The following DCX variants were observed in gnomAD, a reference collection of about 807,000 sequenced individuals.
The protein encoded by DCX is doublecortin, also known as neuronal migration protein doublecortin.
A neutral mutation model predicts 20.9 loss-of-function variants in DCX; 4 were observed. That is an observed-to-expected ratio of 0.19 (90% CI 0.09 to 0.44). The LOEUF is 0.44. Ranked by LOEUF, DCX falls within the 20% of genes least tolerant of loss-of-function variation. DCX has a pLI of 0.99. For missense variants in DCX, 133 were observed against 296.9 expected (o/e 0.45, Z 4.06); for synonymous variants, 103 against 111.4 (o/e 0.92, Z 0.47).
intron 6 of DCX, among the ~76,000 whole-genome samples, chrX:111,309,559 G>A (rs916598545): frequency 6.0e-4 from 67 of 112,001 alleles, no homozygotes; most frequent in African/African-American, 2.1e-3. Context: ...GGTGGTGTAA[G>A]CATGACACTA....
At chrX:111,340,320 C>A (rs1922110798) in intron 3 of DCX, among the ~76,000 whole-genome samples, 1 of 112,032 alleles carries the variant, frequency 8.9e-6, no homozygotes, top group Non-Finnish European at 1.9e-5. Flanking sequence ...GTGGGGATTC[C>A]CTGCAGGAAC....
At chrX:111,344,648 A>G (rs1382520417) in intron 3 of DCX, among the ~76,000 whole-genome samples, 7 of 111,156 alleles carry the variant, frequency 6.3e-5, no homozygotes, top group Non-Finnish European at 1.9e-5. Flanking sequence ...AATCACTACA[A>G]AAAAAGAATA....
intron 6 of DCX, among the ~76,000 whole-genome samples, chrX:111,310,568 GC>G (rs747188503): frequency 1.2e-3 from 136 of 111,399 alleles, no homozygotes; most frequent in African/African-American, 4.3e-3. Flanking sequence ...AAAATAAAGA[GC>G]TTTAAAAATA....
chrX:111,405,731 A>T (rs1928160133), intron 2 of DCX, among the ~76,000 whole-genome samples: 1 of 111,853 alleles, frequency 8.9e-6, no homozygotes, highest in Non-Finnish European at 1.9e-5. Context: ...AAGACATGAC[A>T]AAAGGAAAAC....
rs145014488 is a variant in DCX at position 111,339,544 on chromosome X, A to G, written c.706-6391T>C. On this transcript the variant is annotated intron_variant, in intron 3 of 6. Transcript: ENST00000636035. Reference sequence around the variant, plus strand: ...GACCTTGAACTTCACAGCCTCCAGGACTGTAAGAAATAAATTATGTTTCTT... The same window carrying G: ...GACCTTGAACTTCACAGCCTCCAGGGCTGTAAGAAATAAATTATGTTTCTT... Among the ~76,000 whole-genome samples the G allele has an allele frequency of 3.5e-3, 395 of 111,968 alleles. 1 individual carries two copies. Among genetic ancestry groups the G allele is most frequent in the Middle Eastern group, 0.018 (4 of 218 alleles).
chrX:111,344,294 C>T (rs923525674), intron 3 of DCX, among the ~76,000 whole-genome samples: 25 of 111,871 alleles, frequency 2.2e-4, no homozygotes, highest in Non-Finnish European at 4.5e-4. Flanking sequence ...ATTAAATGGG[C>T]AAAAGCTAGA....
chrX:111,312,901 G>A (rs1468460821), intron 5 of DCX, among the ~76,000 whole-genome samples, 165 bp from the exon 6 acceptor site: 1 of 111,747 alleles, frequency 8.9e-6, no homozygotes. Context: ...TCCTCAAAAG[G>A]GCAAGAACTG....
intron 3 of DCX, among the ~76,000 whole-genome samples, chrX:111,377,494 C>T (rs953392969): frequency 9.0e-6 from 1 of 110,715 alleles, no homozygotes; most frequent in Non-Finnish European, 1.9e-5. Context: ...GGTCTAACGC[C>T]GCATTTGAGT....
rs949418256 is a variant in DCX, at chrX:111,294,144, A to C, written c.*7543T>G. On this transcript the variant is annotated 3_prime_UTR_variant, in exon 7 of 7. Transcript: ENST00000636035. Reference sequence around the variant, plus strand: ...AGTGGGGTCAGCAAACCAAAAAAGGAGAATGCCTCTTGAAATACTGCTTTT... The same window carrying C: ...AGTGGGGTCAGCAAACCAAAAAAGGCGAATGCCTCTTGAAATACTGCTTTT... 8.9e-6 allele frequency: 1 copy of C among 111,880 alleles called. No individual in the cohort carries two copies. Among genetic ancestry groups the C allele is most frequent in the Non-Finnish European group, 1.9e-5 (1 of 53,192 alleles). The allele number at this position is 111,880 out of a possible 1,213,427, so 9.2% of individuals were successfully genotyped here.
intron 5 of DCX, among the ~76,000 whole-genome samples, chrX:111,323,603 G>GTTTTTTTTTTTTTTT (rs780794851): frequency 1.5e-4 from 8 of 52,163 alleles, no homozygotes; most frequent in Non-Finnish European, 2.5e-4. Flanking sequence ...TATTATTTCT[G>GTTTTTTTTTTTTTTT]TTTTTTTTTT....
chrX:111,370,878 T>C (rs5943144), intron 3 of DCX, among the ~76,000 whole-genome samples: 1 of 111,812 alleles, frequency 8.9e-6, no homozygotes, highest in Non-Finnish European at 1.9e-5. Context: ...CTCCACAAGG[T>C]GATCCAAATT....
chrX:111,295,017 G>A lies in DCX; in HGVS notation c.*6670C>T, dbSNP rs1361263146. 2 of 112,656 alleles carry A rather than the reference G, an allele frequency of 1.8e-5. No individual in the cohort carries two copies. Among genetic ancestry groups the A allele is most frequent in the South Asian group, 3.6e-4 (1 of 2,744 alleles). 9.3% of individuals were successfully genotyped at this position (112,656 alleles called of 1,213,427 possible). On this transcript the variant is annotated 3_prime_UTR_variant, in exon 7 of 7. Coordinates refer to ENST00000636035, the MANE Select transcript of DCX (RefSeq NM_001195553.2). ...AAACATTTTAAAGAACTTACCACAC[G>A]TGGGAAATGCAAAATTCAATAAAAC... is the stretch of plus-strand genomic sequence containing the variant.
intron 3 of DCX, among the ~76,000 whole-genome samples, chrX:111,385,046 G>C (rs1430874178): frequency 8.9e-6 from 1 of 112,530 alleles, no homozygotes; most frequent in African/African-American, 3.2e-5. Flanking sequence ...GTGTTGCGGG[G>C]CTTGGCAAAT....
At chrX:111,388,471 A>G (rs1021999010) in intron 3 of DCX, among the ~76,000 whole-genome samples, 2 of 112,188 alleles carry the variant, frequency 1.8e-5, no homozygotes, top group African/African-American at 6.5e-5. Flanking sequence ...TACCTGAGGC[A>G]AAGACCAGTG....
intron 3 of DCX, among the ~76,000 whole-genome samples, chrX:111,342,572 G>C (rs1922384778): frequency 9.4e-6 from 1 of 106,029 alleles, no homozygotes; most frequent in African/African-American, 3.4e-5. Context: ...GGACCTAAAA[G>C]ACATCTACAG....
intron 5 of DCX, among the ~76,000 whole-genome samples, chrX:111,327,506 T>A (rs1472938465): frequency 8.9e-6 from 1 of 112,562 alleles, no homozygotes; most frequent in Non-Finnish European, 1.9e-5. Flanking sequence ...CGCTTTTGTT[T>A]CTGTGGGAGC....
intron 2 of DCX, among the ~76,000 whole-genome samples, chrX:111,401,760 C>A (rs753947301): frequency 9.2e-6 from 1 of 108,516 alleles, no homozygotes; most frequent in East Asian, 2.8e-4. Flanking sequence ...AGTCCCATCC[C>A]TTTGTGATAT....
rs746044831 is a variant in DCX, at chrX:111,389,226, T to TACATTTGACACGGCTGCCCGC, written c.705+11743_705+11763dup. On this transcript the variant is annotated intron_variant, in intron 3 of 6. Coordinates refer to ENST00000636035, the MANE Select transcript of DCX (RefSeq NM_001195553.2). ...TTTATCTGAAACAGACCCTGTCTGC[T>TACATTTGACACGGCTGCCCGC]ACATTTGACACGGCTGCCCGCACCT... Among the ~76,000 whole-genome samples, 335 of 111,754 alleles carry TACATTTGACACGGCTGCCCGC rather than the reference T, an allele frequency of 3.0e-3. 2 individuals carry two copies. Among genetic ancestry groups the TACATTTGACACGGCTGCCCGC allele is most frequent in the African/African-American group, 0.01 (311 of 30,776 alleles).
chrX:111,337,401 C>T (rs1921834428), intron 3 of DCX, among the ~76,000 whole-genome samples: 1 of 110,698 alleles, frequency 9.0e-6, no homozygotes, highest in South Asian at 3.9e-4. Context: ...AAAAAACCAG[C>T]AGGTGTTGGG....
Sources: allele counts gnomAD v4.1 joint callset (sites outside exome capture counted in the v4.1 genomes callset), GRCh38; gene constraint gnomAD v4.1.1; transcripts MANE v1.5; gene names NCBI Gene and HGNC (gene_info 2026-07-23, HGNC 2026-07-21).